GABRB1: variants seen among roughly 807,000 people sequenced by gnomAD.
The protein encoded by GABRB1 is gamma-aminobutyric acid type A receptor subunit beta1, also known as gamma-aminobutyric acid receptor subunit beta-1.
Under a neutral mutation model 51.6 loss-of-function variants are expected in GABRB1, and 17 were observed. The ratio of observed to expected loss-of-function variants is 0.33; its 90% CI spans 0.23 to 0.49. GABRB1 has a LOEUF of 0.49. Among genes scored for constraint, GABRB1 ranks in the 20% least tolerant of loss-of-function variants. The pLI is 0.99. For synonymous variants in GABRB1, 247 were observed against 218.9 expected, an observed-to-expected ratio of 1.13 and a Z score of -1.14; for missense variants, 410 against 600.6, an observed-to-expected ratio of 0.68 and a Z score of 3.32.
At chr4:46,996,521 G>A (rs1488048044) in intron 1 of GABRB1, among the ~76,000 whole-genome samples, 1 of 152,156 alleles carries the variant, frequency 6.6e-6, no homozygotes, top group Non-Finnish European at 1.5e-5. Context: ...ATGTAAGTAT[G>A]TGCATTTTCC....
At chr4:47,011,822 A>G (rs1004886141) in intron 1 of GABRB1, among the ~76,000 whole-genome samples, 1 of 152,152 alleles carries the variant, frequency 6.6e-6, no homozygotes, top group African/African-American at 2.4e-5. Flanking sequence ...CACCAACTAT[A>G]TATGCTGTAT....
intron 5 of GABRB1, among the ~76,000 whole-genome samples, chr4:47,333,157 TA>T (rs987146130): frequency 1.4e-5 from 2 of 145,648 alleles, no homozygotes; most frequent in African/African-American, 2.5e-5. Flanking sequence ...TTTATATATT[TA>T]AAAATATATA....
intron 4 of GABRB1, among the ~76,000 whole-genome samples, chr4:47,279,588 G>C (rs1379200836): frequency 6.6e-6 from 1 of 152,076 alleles, no homozygotes; most frequent in Non-Finnish European, 1.5e-5. Context: ...TTTAGGTGCT[G>C]TAATGGGGGT....
At chr4:47,418,884 G>A (rs1351756956) in intron 8 of GABRB1, among the ~76,000 whole-genome samples, 1 of 152,108 alleles carries the variant, frequency 6.6e-6, no homozygotes, top group Non-Finnish European at 1.5e-5. Flanking sequence ...CTGTAGTAAG[G>A]TCCAGAAGAA....
chr4:47,051,357 A>G (rs1726341328), intron 3 of GABRB1, among the ~76,000 whole-genome samples: 2 of 152,342 alleles, frequency 1.3e-5, no homozygotes, highest in African/African-American at 4.8e-5. Context: ...AATAGAAAAT[A>G]GAGAACCAGA....
chr4:47,044,780 C>T (rs1182029770), intron 3 of GABRB1, among the ~76,000 whole-genome samples: 1 of 151,984 alleles, frequency 6.6e-6, no homozygotes, highest in Admixed American at 6.6e-5. Flanking sequence ...TTGGGGTTTT[C>T]ATCATGCAGT....
chr4:47,079,226 T>C (rs1206942626), intron 3 of GABRB1, among the ~76,000 whole-genome samples: 1 of 152,212 alleles, frequency 6.6e-6, no homozygotes, highest in Non-Finnish European at 1.5e-5. Context: ...AATTCGGATG[T>C]GAATCCATCT....
intron 4 of GABRB1, among the ~76,000 whole-genome samples, chr4:47,214,896 C>G (rs189970480): frequency 6.6e-6 from 1 of 152,262 alleles, no homozygotes; most frequent in East Asian, 1.9e-4. Flanking sequence ...AAAGTTCTAG[C>G]TAGGTATATG....
At chr4:47,339,260 A>G (rs560460192) in intron 5 of GABRB1, among the ~76,000 whole-genome samples, 1 of 152,300 alleles carries the variant, frequency 6.6e-6, no homozygotes, top group South Asian at 2.1e-4. Flanking sequence ...TGGATAGGGA[A>G]GTTATGAAAA....
At chr4:47,216,744 G>T (rs1343737091) in intron 4 of GABRB1, among the ~76,000 whole-genome samples, 1 of 151,846 alleles carries the variant, frequency 6.6e-6, no homozygotes, top group African/African-American at 2.4e-5. Context: ...TAATATGTTT[G>T]CAATAAGATC....
intron 4 of GABRB1, among the ~76,000 whole-genome samples, chr4:47,169,427 T>C (rs1718346766): frequency 6.6e-6 from 1 of 152,164 alleles, no homozygotes; most frequent in South Asian, 2.1e-4. Flanking sequence ...TTCCTTTGTT[T>C]AAAAGGTAGC....
chr4:47,215,949 A>C (rs975407737), intron 4 of GABRB1, among the ~76,000 whole-genome samples: 2 of 152,084 alleles, frequency 1.3e-5, no homozygotes, highest in Non-Finnish European at 1.5e-5. Context: ...AAATTATTTT[A>C]AGTGGATGAT....
intron 4 of GABRB1, among the ~76,000 whole-genome samples, chr4:47,220,005 C>G (rs1720708808): frequency 6.6e-6 from 1 of 151,902 alleles, no homozygotes; most frequent in South Asian, 2.1e-4. Context: ...TCTGCCATTT[C>G]AACTTTACAC....
chr4:47,258,136 G>T (rs571034880), intron 4 of GABRB1, among the ~76,000 whole-genome samples: 8 of 151,992 alleles, frequency 5.3e-5, no homozygotes, highest in Non-Finnish European at 8.8e-5. Context: ...TCATTTTCTT[G>T]CAGTGTATCA....
chr4:47,149,610 A>T (rs913055058), intron 3 of GABRB1, among the ~76,000 whole-genome samples: 9 of 152,024 alleles, frequency 5.9e-5, no homozygotes, highest in Non-Finnish European at 1.3e-4. Flanking sequence ...TTGTTTTCCC[A>T]TGCCATTAGT....
chr4:47,380,550 TA>T (rs1230131368), intron 5 of GABRB1, among the ~76,000 whole-genome samples: 2 of 152,150 alleles, frequency 1.3e-5, no homozygotes, highest in East Asian at 3.9e-4. Context: ...ACAATTTTAT[TA>T]AAAAATCCAT....
chr4:47,212,991 T>C (rs779352434), intron 4 of GABRB1, among the ~76,000 whole-genome samples: 11 of 152,176 alleles, frequency 7.2e-5, no homozygotes, highest in Admixed American at 2.0e-4. Context: ...ATGCACGACA[T>C]ACATGGATGC....
intron 4 of GABRB1, among the ~76,000 whole-genome samples, chr4:47,273,005 C>T (rs950108349): frequency 6.6e-6 from 1 of 151,418 alleles, no homozygotes; most frequent in South Asian, 2.1e-4. Context: ...AGTGAACTCT[C>T]GTTTATTCAG....
intron 1 of GABRB1, among the ~76,000 whole-genome samples, chr4:47,022,656 G>A (rs1030395371): frequency 6.6e-6 from 1 of 151,944 alleles, no homozygotes; most frequent in Admixed American, 6.6e-5. Context: ...AATAACAAAC[G>A]CTGATAAGGA....
Sources: allele counts gnomAD v4.1 joint callset (sites outside exome capture counted in the v4.1 genomes callset), GRCh38; gene constraint gnomAD v4.1.1; transcripts MANE v1.5; gene names NCBI Gene and HGNC (gene_info 2026-07-23, HGNC 2026-07-21).